The following PCDHGA8 variants were observed in gnomAD, a reference collection of about 807,000 sequenced individuals.
PCDHGA8 encodes the protein protocadherin gamma-A8.
Under a neutral mutation model 59.2 loss-of-function variants are expected in PCDHGA8, and 45 were observed. The ratio of observed to expected loss-of-function variants is 0.76; its 90% confidence interval spans 0.60 to 0.98. The LOEUF is 0.98. Ranked by LOEUF, PCDHGA8 falls within the 50% of genes least tolerant of loss-of-function variation. The pLI is 0.00. For synonymous variants in PCDHGA8, 531 were observed against 519.0 expected (o/e 1.02, Z -0.32); for missense variants, 1,257 against 1,196.2 (o/e 1.05, Z -0.75).
intron 2 of PCDHGA8, among the ~76,000 whole-genome samples, chr5:141,504,402 G>A (rs2099837969): frequency 6.6e-6 from 1 of 152,170 alleles, no homozygotes; most frequent in Admixed American, 6.6e-5. Context: ...AGCCAGTGTG[G>A]TGGAGGAACA....
chr5:141,404,183 G>T lies in PCDHGA8; in HGVS notation c.2424+8946G>T, dbSNP rs759576056. ...CAGATTGTTGACGGCCCAAATTCTT[G>T]ACCGAGAAAAAGCCTCAGAATATAA... On this transcript the variant is annotated intron_variant, in intron 1 of 3. Coordinates refer to ENST00000398604, the MANE Select transcript of PCDHGA8 (RefSeq NM_032088.2). 2.5e-6 allele frequency: 4 copies of T among 1,613,154 alleles called. No individual in the cohort carries two copies. In the South Asian group the frequency reaches 4.4e-5, roughly 18 times the overall value.
In PCDHGA8 at chr5:141,459,848, C is replaced by T. The variant is rs573481876; in HGVS notation, c.2425-34959C>T. Among the ~76,000 whole-genome samples the T allele has an allele frequency of 1.1e-4, 16 of 152,244 alleles. No homozygotes were observed. In the South Asian group the frequency reaches 2.5e-3, roughly 24 times the overall value. ...TTTCATGTGTTGTCTATTTGTATATCTTCTTGAAGCATTCGTTCATCTTTA... is the reference window on the plus strand; with the variant it reads ...TTTCATGTGTTGTCTATTTGTATATTTTCTTGAAGCATTCGTTCATCTTTA... On this transcript the variant is annotated intron_variant, in intron 1 of 3. Transcript: ENST00000398604.
intron 1 of PCDHGA8, among the ~76,000 whole-genome samples, chr5:141,448,393 A>G (rs190525499): frequency 6.6e-6 from 1 of 152,306 alleles, no homozygotes; most frequent in Admixed American, 6.5e-5. Flanking sequence ...ATACATTTAC[A>G]TGGTTTTAAA....
At chr5:141,500,453 C>G (rs1403599390) in intron 2 of PCDHGA8, among the ~76,000 whole-genome samples, 1 of 152,246 alleles carries the variant, frequency 6.6e-6, no homozygotes, top group African/African-American at 2.4e-5. Flanking sequence ...TCGTGATCCG[C>G]CCGCCTCGGC....
chr5:141,416,042 A>G (rs1024979061), intron 1 of PCDHGA8: 1 of 193,196 alleles, frequency 5.2e-6, no homozygotes, highest in African/African-American at 2.3e-5. Context: ...ACCTCTGGAA[A>G]CACAACCCAA....
chr5:141,400,594 A>G (rs2150867049), intron 1 of PCDHGA8: 1 of 1,603,498 alleles, frequency 6.2e-7, no homozygotes, highest in Non-Finnish European at 8.5e-7. Context: ...AAACTATCGT[A>G]CATTTTCAAG....
chr5:141,433,358 C>CCTATCTAT (rs3074541), intron 1 of PCDHGA8: 29,853 of 503,480 alleles, frequency 0.059, 1,017 homozygotes, highest in East Asian at 0.071. Context: ...CTACTGTCTG[C>CCTATCTAT]CTATCTATCT....
intron 1 of PCDHGA8, chr5:141,419,209 G>C: frequency 6.2e-7 from 1 of 1,613,900 alleles, no homozygotes; most frequent in Admixed American, 1.7e-5. Context: ...ACAACGCGCC[G>C]GTTTTCGGAC....
chr5:141,434,768 T>C (rs6580188), intron 1 of PCDHGA8, among the ~76,000 whole-genome samples: 81,499 of 151,296 alleles, frequency 0.54, 23,977 homozygotes, highest in African/African-American at 0.79. Context: ...CACTTCACAC[T>C]TCTAAAAAAA....
At chr5:141,419,521 C>A (rs1418329404) in intron 1 of PCDHGA8, 1 of 1,612,240 alleles carries the variant, frequency 6.2e-7, no homozygotes, top group Non-Finnish European at 8.5e-7. Context: ...TGGTGGGCGA[C>A]CGTAACGACA....
intron 1 of PCDHGA8, chr5:141,414,410 G>A (rs1216701146): frequency 1.2e-6 from 2 of 1,613,856 alleles, no homozygotes; most frequent in Non-Finnish European, 1.7e-6. Context: ...GTGATACACA[G>A]AGCCCTTGAC....
intron 1 of PCDHGA8, among the ~76,000 whole-genome samples, chr5:141,430,243 T>C (rs1020416761): frequency 5.6e-5 from 6 of 106,478 alleles, no homozygotes; most frequent in African/African-American, 3.0e-4. Flanking sequence ...GAGAAACTCC[T>C]AGGGAGACAT....
At chr5:141,488,599 C>T (rs1017044328) in intron 1 of PCDHGA8, among the ~76,000 whole-genome samples, 1 of 152,152 alleles carries the variant, frequency 6.6e-6, no homozygotes, top group Non-Finnish European at 1.5e-5. Flanking sequence ...CAAGACTTTA[C>T]AAGGTTCTTA....
chr5:141,436,842 T>G (rs986680968), intron 1 of PCDHGA8, among the ~76,000 whole-genome samples: 3 of 152,376 alleles, frequency 2.0e-5, no homozygotes, highest in African/African-American at 7.2e-5. Flanking sequence ...CCTAGGCACA[T>G]TCTTGATTGA....
At chr5:141,398,529 G>A (rs375949491) in intron 1 of PCDHGA8, 2 of 1,613,544 alleles carry the variant, frequency 1.2e-6, no homozygotes, top group South Asian at 1.1e-5. Flanking sequence ...CAAAATTCAC[G>A]CAAAATTCCT....
At chr5:141,506,241 G>C (rs2237081) in intron 3 of PCDHGA8, among the ~76,000 whole-genome samples, 78,081 of 151,504 alleles carry the variant, frequency 0.52, 20,775 homozygotes, top group African/African-American at 0.63. Context: ...ATGAGGTCAG[G>C]AGTTCGAAAC....
chr5:141,478,434 T>C (rs747890986), intron 1 of PCDHGA8: 2 of 1,613,700 alleles, frequency 1.2e-6, no homozygotes, highest in East Asian at 2.2e-5. Flanking sequence ...GACCCGCTGC[T>C]GAAGAAACCT....
intron 1 of PCDHGA8, chr5:141,421,696 A>G: frequency 6.2e-7 from 1 of 1,613,886 alleles, no homozygotes; most frequent in Non-Finnish European, 8.5e-7. Context: ...TGCTCTTCCT[A>G]ATGCTAGGGA....
chr5:141,392,879 G>C lies in PCDHGA8; in HGVS notation c.66G>C (p.Thr22=). The C allele has an allele frequency of 6.2e-7, 1 of 1,613,512 alleles. No individual in the cohort carries two copies. The highest frequency in any genetic ancestry group is 8.5e-7 in the Non-Finnish European group (1 of 1,179,838). The change falls in exon 1 of 4, where the codon ACG becomes ACC. Residue 22 remains threonine, a synonymous_variant. Transcript: ENST00000398604. ...ELILLCALLG[T]LWEIGRGQIR... is the part of the protein sequence containing the mutation. ...TCCTGCTGTGCGCGCTGCTGGGAAC[G>C]CTGTGGGAAATCGGGAGGGGACAGA...
Sources: allele counts gnomAD v4.1 joint callset (sites outside exome capture counted in the v4.1 genomes callset), GRCh38; gene constraint gnomAD v4.1.1; transcripts MANE v1.5; gene names NCBI Gene and HGNC (gene_info 2026-07-23, HGNC 2026-07-21).